The following S100Z variants were observed in gnomAD, a reference collection of about 807,000 sequenced individuals.
S100Z encodes S100 calcium binding protein Z.
In S100Z, 11 loss-of-function variants were observed where a neutral mutation model predicts 8.5. The observed-to-expected ratio is 1.30, with a 90% CI of 0.82 to 2.15. The LOEUF (loss-of-function observed/expected upper bound fraction) is 2.15. Among genes scored for constraint, S100Z ranks in the 30% most tolerant of loss-of-function variants. The pLI is 0.00. For synonymous variants in S100Z, 34 were observed against 43.8 expected (o/e 0.78, Z 0.89); for missense variants, 126 against 117.9 (o/e 1.07, Z -0.32).
chr5:76,922,321 GT>G (rs1426112083), downstream of S100Z, among the ~76,000 whole-genome samples: 1 of 152,202 alleles, frequency 6.6e-6, no homozygotes, highest in African/African-American at 2.4e-5. Flanking sequence ...AAGAGAAGAT[GT>G]TGGAAGTCAT....
At chr5:76,940,981 A>G in the S100Z span, among the ~76,000 whole-genome samples, 3 of 152,108 alleles carry the variant, frequency 2.0e-5, no homozygotes, top group South Asian at 4.2e-4. Flanking sequence ...AGATTGGGTT[A>G]TGGGTGTGTA....
intron 3 of S100Z, 102 bp from the exon 4 acceptor site, chr5:76,877,572 A>G: frequency 1.3e-6 from 1 of 757,304 alleles, no homozygotes; most frequent in Non-Finnish European, 2.2e-6. Flanking sequence ...TAGATGCTAT[A>G]AATGGAAATT....
chr5:76,926,960 C>G, the S100Z span, among the ~76,000 whole-genome samples: 15 of 152,174 alleles, frequency 9.9e-5, no homozygotes, highest in Non-Finnish European at 1.3e-4. Flanking sequence ...TTGTTATGAA[C>G]TCTTTATCTC....
At chr5:76,857,154 T>C (rs1035304330) in intron 1 of S100Z, among the ~76,000 whole-genome samples, 1 of 151,972 alleles carries the variant, frequency 6.6e-6, no homozygotes, top group African/African-American at 2.4e-5. Flanking sequence ...TAGCCAGGCG[T>C]GGTGGCAGGT....
At chr5:76,865,410 A>AT (rs1554036012) in intron 1 of S100Z, among the ~76,000 whole-genome samples, 7 of 150,602 alleles carry the variant, frequency 4.6e-5, no homozygotes, top group African/African-American at 9.8e-5. Flanking sequence ...AGGCCTGGCT[A>AT]TTTTTTTTGT....
At chr5:76,942,428 T>C in the S100Z span, among the ~76,000 whole-genome samples, 2 of 22,726 alleles carry the variant, frequency 8.8e-5, no homozygotes, top group East Asian at 1.8e-3. Context: ...AGCTATTATA[T>C]TGGCCAAAAA....
intron 1 of S100Z, among the ~76,000 whole-genome samples, chr5:76,862,496 C>A (rs1751088794): frequency 6.6e-6 from 1 of 151,924 alleles, no homozygotes; most frequent in Non-Finnish European, 1.5e-5. Context: ...ATTCTCTTGG[C>A]TTTATAAGAC....
chr5:76,904,891 T>C (rs139003257), intron 4 of S100Z, among the ~76,000 whole-genome samples: 41 of 151,500 alleles, frequency 2.7e-4, no homozygotes, highest in African/African-American at 9.8e-4. Flanking sequence ...CATAAATTTT[T>C]AATTTTGAAA....
At chr5:76,897,574 G>A (rs1238159678) in intron 4 of S100Z, among the ~76,000 whole-genome samples, 1 of 151,968 alleles carries the variant, frequency 6.6e-6, no homozygotes, top group Non-Finnish European at 1.5e-5. Flanking sequence ...GCTTTGGCTA[G>A]TATAGACATT....
intron 1 of S100Z, among the ~76,000 whole-genome samples, chr5:76,868,023 G>A (rs1742845914): frequency 6.6e-6 from 1 of 152,186 alleles, no homozygotes; most frequent in Non-Finnish European, 1.5e-5. Context: ...AGCAAGCAAG[G>A]TGCATAGGAT....
chr5:76,857,498 AT>A (rs11317478), intron 1 of S100Z, among the ~76,000 whole-genome samples: 5,981 of 125,246 alleles, frequency 0.048, 162 homozygotes, highest in African/African-American at 0.12. Context: ...TCCTGCCCCC[AT>A]TTTTTTTTTT....
At chr5:76,859,768 C>CAAAAAAAAAAAAAAAAAAAAAAAAAAA (rs70982653) in intron 1 of S100Z, among the ~76,000 whole-genome samples, 7 of 97,652 alleles carry the variant, frequency 7.2e-5, no homozygotes, top group Admixed American at 1.2e-4. Flanking sequence ...GCAACAGAGC[C>CAAAAAAAAAAAAAAAAAAAAAAAAAAA]AAAAAAAAAA....
chr5:76,875,998 T>A (rs1443509669), intron 3 of S100Z, among the ~76,000 whole-genome samples: 1 of 152,160 alleles, frequency 6.6e-6, no homozygotes, highest in Non-Finnish European at 1.5e-5. Context: ...GATAGAAGGA[T>A]GTGTTTGGCC....
the S100Z span, among the ~76,000 whole-genome samples, chr5:76,939,517 C>CTCTTTTT: frequency 2.1e-5 from 3 of 139,968 alleles, no homozygotes; most frequent in East Asian, 2.2e-4. Context: ...TGGTGTTTAA[C>CTCTTTTT]TTTTTTTTTT....
the S100Z span, among the ~76,000 whole-genome samples, chr5:76,933,264 G>A: frequency 7.9e-5 from 12 of 152,162 alleles, no homozygotes; most frequent in Admixed American, 2.0e-4. Flanking sequence ...TGGAGTTCTC[G>A]CCTCCCTCAA....
chr5:76,916,247 C>G (rs1461788786), intron 4 of S100Z, among the ~76,000 whole-genome samples: 1 of 151,396 alleles, frequency 6.6e-6, no homozygotes, highest in Non-Finnish European at 1.5e-5. Flanking sequence ...CATAGCAATC[C>G]TAATTATATA....
downstream of S100Z, among the ~76,000 whole-genome samples, chr5:76,925,836 G>A (rs1330751337): frequency 1.3e-5 from 2 of 152,026 alleles, no homozygotes; most frequent in East Asian, 1.9e-4. Context: ...GTGTGGTGGC[G>A]TGCACCTGTA....
chr5:76,906,664 G>A (rs1744431738), intron 4 of S100Z, among the ~76,000 whole-genome samples: 1 of 150,252 alleles, frequency 6.7e-6, no homozygotes, highest in Non-Finnish European at 1.5e-5. Context: ...ACAGAGTCAA[G>A]CTCTGTCACC....
rs1460369471 is a variant in S100Z, at chr5:76,906,966, T to C, written c.*3-13751T>C. Among the ~76,000 whole-genome samples, 7 of 58,778 alleles carry C rather than the reference T, an allele frequency of 1.2e-4. No homozygotes were observed. In the South Asian group the frequency reaches 3.2e-3, roughly 27 times the overall value. The allele number at this position is 58,778 out of a possible 152,430, so 38.6% of individuals were successfully genotyped here. On this transcript the variant is annotated intron_variant, in intron 4 of 4. Coordinates refer to ENST00000317593, the MANE Select transcript of S100Z (RefSeq NM_130772.4). Reference sequence around the variant, plus strand: ...TTTTTAAAGGCTGAATAGTATTCCATTGTGTGTGTGTATATATATATATAT... The same window carrying C: ...TTTTTAAAGGCTGAATAGTATTCCACTGTGTGTGTGTATATATATATATAT...
Sources: gnomAD v4.1 joint callset for allele counts (sites outside exome capture counted in the v4.1 genomes callset) on GRCh38, gnomAD v4.1.1 for gene constraint, MANE v1.5 for transcripts, NCBI Gene and HGNC (gene_info 2026-07-23, HGNC 2026-07-21) for gene names.